Variants in PCED1A observed in about 807,000 individuals in gnomAD.
PCED1A encodes the protein PC-esterase domain containing 1A.
PCED1A carries 20 observed loss-of-function variants against 41.9 expected under a neutral mutation model. That is an observed-to-expected ratio of 0.48 (90% confidence interval 0.34 to 0.69). The LOEUF (loss-of-function observed/expected upper bound fraction) is 0.69. Ranked by LOEUF, PCED1A falls within the 30% of genes least tolerant of loss-of-function variation. The pLI, the probability that PCED1A is intolerant of heterozygous loss-of-function variation, is 0.01. For synonymous variants in PCED1A, 236 were observed against 241.3 expected, an observed-to-expected ratio of 0.98 and a Z score of 0.20; for missense variants, 498 against 602.1, an observed-to-expected ratio of 0.83 and a Z score of 1.81.
rs1356688643 is a variant in PCED1A, at chr20:2,838,022, A to G, written c.841+210T>C. On this transcript the variant is annotated intron_variant, in intron 6 of 7. Coordinates refer to ENST00000360652, the MANE Select transcript of PCED1A (RefSeq NM_022760.6). The surrounding 1 kb of genome is among the most constrained non-coding windows in gnomAD (Gnocchi z 5.8). Reference sequence around the variant, plus strand: ...TTCAAGCACACAGAAATGACTACACAGCCAGACTGTAGAAAACTGGAACTT... The same window carrying G: ...TTCAAGCACACAGAAATGACTACACGGCCAGACTGTAGAAAACTGGAACTT... 1.3e-5 allele frequency among the ~76,000 whole-genome samples: 2 copies of G among 152,256 alleles called. No homozygotes were observed. Among genetic ancestry groups the G allele is most frequent in the Non-Finnish European group, 2.9e-5 (2 of 68,050 alleles).
chr20:2,839,221 G>A lies in PCED1A; in HGVS notation c.175C>T (p.Leu59=), dbSNP rs933800407. 6.2e-7 allele frequency: 1 copy of A among 1,613,988 alleles called. No homozygotes were observed. The highest frequency in any genetic ancestry group is 8.5e-7 in the Non-Finnish European group (1 of 1,180,020). The part of the protein sequence containing the change: ...DLVLLLQKDS[L]LTAAQLKAKG... ...GCTTTCAGCTGGGCAGCTGTGAGCA[G>A]TGAGTCTTTCTGGAGCAAGAGCACC... The change falls in exon 3 of 8, where the codon CTG becomes TTG. Residue 59 remains leucine (L), a synonymous_variant. Transcript: ENST00000360652.
chr20:2,837,745 G>A (rs1599950970), intron 6 of PCED1A, among the ~76,000 whole-genome samples: 1 of 152,146 alleles, frequency 6.6e-6, no homozygotes, highest in Non-Finnish European at 1.5e-5. Context: ...AGAAGCCTAT[G>A]GAACACTGTC....
rs762034771 is a variant in PCED1A, at chr20:2,839,916, G to A, written c.-4C>T. On this transcript the variant is annotated 5_prime_UTR_variant, in exon 2 of 8. Transcript: ENST00000360652. The stretch of plus-strand genomic sequence containing the variant: ...CGCTCGACAGACAGAAGACCATGCC[G>A]CCACCAGCAACGACAGGCTGCAGGG... 3.1e-6 allele frequency: 5 copies of A among 1,610,702 alleles called. No homozygotes were observed. The highest frequency in any genetic ancestry group is 4.5e-5 in the East Asian group (2 of 44,832).
chr20:2,835,688 A>C lies in PCED1A; in HGVS notation c.1139T>G (p.Phe380Cys). The C allele has an allele frequency of 6.4e-7, 1 of 1,572,834 alleles. No individual in the cohort carries two copies. Among genetic ancestry groups the C allele is most frequent in the South Asian group, 1.2e-5 (1 of 85,894 alleles). ...PHLGCGPGVN[F>C]VPGPLPPPIP... The stretch of plus-strand genomic sequence containing the variant: ...TGGAGGTGGCAGAGGGCCAGGCACA[A>C]AGTTCACTCCAGGGCCACATCCTAC... The change falls in exon 8 of 8, where the codon TTT becomes TGT. Residue 380 changes from phenylalanine to cysteine, a missense_variant. This residue lies in a region of PCED1A where 245 missense variants were observed against 232.4 expected (regional missense o/e 1.05). Transcript: ENST00000360652.
At chr20:2,839,968 G>A (rs751506059) in intron 1 of PCED1A, 35 bp from the exon 2 acceptor site, 1 of 1,567,928 alleles carries the variant, frequency 6.4e-7, no homozygotes, top group Non-Finnish European at 8.6e-7. Context: ...CGCGATGGTG[G>A]GGACTCTGGG....
rs756803313 is a variant in PCED1A at position 2,838,647 on chromosome 20, G to A, written c.543C>T (p.Asn181=). Reference sequence around the variant, plus strand: ...TACGTTCCCCGAGGGGCATCGCCATGTTCCACACCAGCAGGCAGGAGTCTG... The same window carrying A: ...TACGTTCCCCGAGGGGCATCGCCATATTCCACACCAGCAGGCAGGAGTCTG... The part of the protein sequence containing the change: ...VLPDSCLLVW[N]MAMPLGERIT... The change falls in exon 5 of 8, where the codon AAC becomes AAT. Residue 181 remains asparagine, a synonymous_variant. Transcript: ENST00000360652. The surrounding 1 kb of genome is among the most constrained non-coding windows in gnomAD (Gnocchi z 5.8). 11 of 1,614,106 alleles carry A rather than the reference G, an allele frequency of 6.8e-6. No homozygotes were observed. In the East Asian group the frequency reaches 2.5e-4, roughly 36 times the overall value.
intron 2 of PCED1A, 64 bp downstream of exon 2, chr20:2,839,725 C>T (rs2088914283): frequency 2.5e-6 from 4 of 1,593,918 alleles, no homozygotes; most frequent in Non-Finnish European, 3.4e-6. Flanking sequence ...AACAAATGGT[C>T]CAGACACACT....
chr20:2,839,833 T>C lies in PCED1A; in HGVS notation c.80A>G (p.Gln27Arg), dbSNP rs1225345686. Residue 27 changes from glutamine (Q) to arginine (R), a missense_variant, in exon 2 of 8, where the codon CAG becomes CGG. By Grantham distance (43) the Gln-to-Arg change is conservative (BLOSUM62 1). This residue lies in a region of PCED1A where 253 missense variants were observed against 369.7 expected (regional missense o/e 0.68). Transcript: ENST00000360652. Reference protein sequence around the residue: ...DMVHFQASEVQQLLHNKFVVI... With the variant: ...DMVHFQASEVRQLLHNKFVVI... ...CACGAACTTGTTGTGTAGCAGCTGC[T>C]GGACTTCCGAGGCCTGGAAGTGGAC... is the stretch of plus-strand genomic sequence containing the variant. 3.7e-6 allele frequency: 6 copies of C among 1,614,182 alleles called. No homozygotes were observed. Among genetic ancestry groups the C allele is most frequent in the South Asian group, 1.1e-5 (1 of 91,084 alleles).
Position 2,838,625 on chromosome 20 carries a change from G to A in PCED1A, c.565C>T (p.Arg189Cys). 1.2e-6 allele frequency: 2 copies of A among 1,614,174 alleles called. No homozygotes were observed. The highest frequency in any genetic ancestry group is 1.7e-6 in the Non-Finnish European group (2 of 1,180,034). ...VWNMAMPLGE[R>C]ITGGFLLPEL... ...GGCAGGAGGAAACCCCCAGTGATAC[G>A]TTCCCCGAGGGGCATCGCCATGTTC... Residue 189 changes from arginine (R) to cysteine (C), a missense_variant, in exon 5 of 8, where the codon CGT becomes TGT. Around this residue, in one of 2 missense-constraint regions of PCED1A, gnomAD observed 253 missense variants for 369.7 expected, o/e 0.68. Transcript: ENST00000360652. The surrounding 1 kb of genome is among the most constrained non-coding windows in gnomAD (Gnocchi z 5.8).
chr20:2,835,872 T>A (rs1429195427), intron 7 of PCED1A, among the ~76,000 whole-genome samples, 163 bp from the exon 8 acceptor site: 1 of 152,140 alleles, frequency 6.6e-6, no homozygotes, highest in Non-Finnish European at 1.5e-5. Flanking sequence ...TGACAACCAG[T>A]GAGCTGATTA....
rs920189308 is a variant in PCED1A at position 2,836,576 on chromosome 20, G to C, written c.842-262C>G. On this transcript the variant is annotated intron_variant, in intron 6 of 7. Coordinates refer to ENST00000360652, the MANE Select transcript of PCED1A (RefSeq NM_022760.6). ...AGCCTTCTTTGTTTGCCCAGGTCTT[G>C]TATCTAGCTTTTTCCTCGCCCACCT... 2.6e-5 allele frequency among the ~76,000 whole-genome samples: 4 copies of C among 152,254 alleles called. No homozygotes were observed. The South Asian group carries it at 8.3e-4, about 32-fold the overall frequency.
At chr20:2,839,752 G>A in intron 2 of PCED1A, 37 bp downstream of exon 2, 2 of 1,610,566 alleles carry the variant, frequency 1.2e-6, no homozygotes, top group Non-Finnish European at 1.7e-6. Flanking sequence ...GCTGCAAGGT[G>A]TGGGACTGGA....
chr20:2,840,907 C>T, upstream of PCED1A: 1 of 1,379,082 alleles, frequency 7.3e-7, no homozygotes, highest in Non-Finnish European at 9.9e-7. Context: ...GGCGTTCGCC[C>T]CTGTCACTAC....
chr20:2,839,085 A>AACCCCCCCCCCCCCCC lies in PCED1A; in HGVS notation c.205-4_205-3insGGGGGGGGGGGGGGGT. On this transcript the variant is annotated splice_region_variant and splice_polypyrimidine_tract_variant and intron_variant, in intron 3 of 7. Coordinates refer to ENST00000360652, the MANE Select transcript of PCED1A (RefSeq NM_022760.6). ...TCCTGTTCAAAGCTCAGCTCCCCCTACCCACCCCCCCCACCCTACTGGTCA... is the reference window on the plus strand; with the variant it reads ...TCCTGTTCAAAGCTCAGCTCCCCCTAACCCCCCCCCCCCCCCCCCACCCCCCCCACCCTACTGGTCA... 1 of 491,614 alleles carries AACCCCCCCCCCCCCCC rather than the reference A, an allele frequency of 2.0e-6. No individual in the cohort carries two copies. Among genetic ancestry groups the AACCCCCCCCCCCCCCC allele is most frequent in the Non-Finnish European group, 3.5e-6 (1 of 287,786 alleles). 30.5% of individuals were successfully genotyped at this position (491,614 alleles called of 1,614,324 possible). A position where few individuals can be genotyped will look rare whatever the true frequency, so the allele number is the denominator to read the frequency against.
chr20:2,835,467 C>G lies in PCED1A; in HGVS notation c.1360G>C (p.Gly454Arg), dbSNP rs772484979. ...RPPAHSGTWP[G>R] ...GTCCCAGCCCAAGATCCAGTCTACC[C>G]AGGCCATGTCCCCGAATGGGCAGGA... is the stretch of plus-strand genomic sequence containing the variant. Residue 454 changes from glycine to arginine, a missense_variant, in exon 8 of 8, where the codon GGG (glycine) becomes CGG (arginine). Around this residue, in one of 2 missense-constraint regions of PCED1A, gnomAD observed 245 missense variants for 232.4 expected, o/e 1.05. Transcript: ENST00000360652. 4.4e-6 allele frequency: 7 copies of G among 1,608,342 alleles called. No individual in the cohort carries two copies. Among genetic ancestry groups the G allele is most frequent in the Non-Finnish European group, 6.0e-6 (7 of 1,176,074 alleles).
At chr20:2,840,711 C>T (rs2088954854), upstream of PCED1A, 2 of 1,521,492 alleles carry the variant, frequency 1.3e-6, no homozygotes, top group Non-Finnish European at 1.8e-6. Context: ...GCGGAAGTGC[C>T]GGCCTGGAGC....
intron 7 of PCED1A, 32 bp downstream of exon 7, chr20:2,836,007 C>CA: frequency 6.8e-7 from 1 of 1,465,110 alleles, no homozygotes; most frequent in Non-Finnish European, 9.0e-7. Context: ...AGGGGAGGTA[C>CA]AAGAGGGTGG....
rs759415658 is a variant in PCED1A at position 2,838,305 on chromosome 20, G to A, written c.768C>T (p.His256=). 8.7e-6 allele frequency: 14 copies of A among 1,614,262 alleles called. No individual in the cohort carries two copies. The highest frequency in any genetic ancestry group is 1.2e-5 in the Non-Finnish European group (14 of 1,180,050). ...GVHWDQHAHR[H]LSHLLLTHVA... Reference sequence around the variant, plus strand: ...CATGGGTCAGAAGCAGGTGTGAGAGGTGGCGGTGTGCATGCTGGTCCCAGT... The same window carrying A: ...CATGGGTCAGAAGCAGGTGTGAGAGATGGCGGTGTGCATGCTGGTCCCAGT... Residue 256 remains histidine (H), a synonymous_variant, in exon 6 of 8, where the codon CAC becomes CAT. Transcript: ENST00000360652. The surrounding 1 kb of genome is among the most constrained non-coding windows in gnomAD (Gnocchi z 5.8).
At chr20:2,840,127 G>T in intron 1 of PCED1A, 84 bp downstream of exon 1, 1 of 499,754 alleles carries the variant, frequency 2.0e-6, no homozygotes, top group Non-Finnish European at 3.4e-6. Context: ...GGGCACTGGG[G>T]AGCTTCCCGC....
Sources: gnomAD v4.1 joint callset for allele counts (sites outside exome capture counted in the v4.1 genomes callset) on GRCh38, gnomAD v4.1.1 for gene constraint, gnomAD v4.1.1 regional missense constraint, Gnocchi (gnomAD v3.1) non-coding constraint, MANE v1.5 for transcripts, NCBI Gene and HGNC (gene_info 2026-07-23, HGNC 2026-07-21) for gene names.